The following HPSE2 variants were observed in gnomAD, a reference collection of about 807,000 sequenced individuals.
HPSE2 encodes the protein heparanase 2 (inactive).
A neutral mutation model predicts 60.5 loss-of-function variants in HPSE2; 38 were observed. The ratio of observed to expected loss-of-function variants is 0.63; its 90% confidence interval spans 0.48 to 0.82. HPSE2 has a LOEUF of 0.82. Among genes scored for constraint, HPSE2 ranks in the 40% least tolerant of loss-of-function variants. HPSE2 has a pLI of 0.00. For synonymous variants in HPSE2, 295 were observed against 293.2 expected, an observed-to-expected ratio of 1.01 and a Z score of -0.06; for missense variants, 713 against 740.4, an observed-to-expected ratio of 0.96 and a Z score of 0.43.
At chr10:99,050,573 C>G (rs1957968334) in intron 3 of HPSE2, among the ~76,000 whole-genome samples, 1 of 152,098 alleles carries the variant, frequency 6.6e-6, no homozygotes, top group Non-Finnish European at 1.5e-5. Flanking sequence ...CGTGGAATTA[C>G]TGCAATAAGT....
intron 9 of HPSE2, among the ~76,000 whole-genome samples, chr10:98,518,203 AGGGAGAGTGTCCACCCAT>A (rs1462568202): frequency 6.6e-6 from 1 of 152,160 alleles, no homozygotes; most frequent in Admixed American, 6.5e-5. Context: ...GGGCTTTTTC[AGGGAGAGTGTCCACCCAT>A]GGGTGAGAGG....
At chr10:98,589,305 G>A (rs944537131) in intron 9 of HPSE2, among the ~76,000 whole-genome samples, 7 of 152,248 alleles carry the variant, frequency 4.6e-5, no homozygotes, top group African/African-American at 7.2e-5. Flanking sequence ...AGCACTGACA[G>A]TTGAGTGAGC....
At chr10:99,256,689 T>C in the HPSE2 span, among the ~76,000 whole-genome samples, 3 of 152,140 alleles carry the variant, frequency 2.0e-5, no homozygotes, top group Non-Finnish European at 4.4e-5. Context: ...TCAAACAACA[T>C]GAATGTCTTT....
chr10:98,619,571 T>C (rs1412085108), intron 8 of HPSE2, among the ~76,000 whole-genome samples: 3 of 152,200 alleles, frequency 2.0e-5, no homozygotes, highest in Admixed American at 1.3e-4. Flanking sequence ...TACCGGGTTT[T>C]TAAGACCTTC....
intron 3 of HPSE2, among the ~76,000 whole-genome samples, chr10:98,992,548 C>G (rs935683944): frequency 6.6e-6 from 1 of 152,128 alleles, no homozygotes; most frequent in Admixed American, 6.5e-5. Context: ...TAATTCAATT[C>G]TACAGGTTTT....
Position 98,586,295 on chromosome 10 carries a change from A to G in HPSE2, c.1320+28609T>C, listed in dbSNP as rs577757750. ...TTTATGAGTCATTTTCTATCCTTGGAGTGCTCTTTTCCCTCTTACCACCAA... is the reference window on the plus strand; with the variant it reads ...TTTATGAGTCATTTTCTATCCTTGGGGTGCTCTTTTCCCTCTTACCACCAA... On this transcript the variant is annotated intron_variant, in intron 9 of 11. Coordinates refer to ENST00000370552, the MANE Select transcript of HPSE2 (RefSeq NM_021828.5). Among the ~76,000 whole-genome samples the G allele has an allele frequency of 2.6e-5, 4 of 152,152 alleles. No individual in the cohort carries two copies. The South Asian group carries it at 8.3e-4, about 32-fold the overall frequency.
rs984873106 is a variant in HPSE2 at position 98,934,401 on chromosome 10, T to C, written c.611-190345A>G. ...GTCTGTGTACTTCAGTGTGTTTTTGTAGTGGCTAGTAATGGTTTTTCTTAT... is the reference window on the plus strand; with the variant it reads ...GTCTGTGTACTTCAGTGTGTTTTTGCAGTGGCTAGTAATGGTTTTTCTTAT... On this transcript the variant is annotated intron_variant, in intron 3 of 11. Transcript: ENST00000370552. Among the ~76,000 whole-genome samples the C allele has an allele frequency of 9.7e-5, 14 of 144,782 alleles. 3 individuals carry two copies. The highest frequency in any genetic ancestry group is 3.9e-4 in the African/African-American group (14 of 35,948). The allele number at this position is 144,782 out of a possible 152,430, so 95.0% of individuals were successfully genotyped here.
At chr10:99,286,541 G>T in the HPSE2 span, among the ~76,000 whole-genome samples, 1 of 152,140 alleles carries the variant, frequency 6.6e-6, no homozygotes, top group Non-Finnish European at 1.5e-5. Context: ...GGGAAAGTGG[G>T]CGATGAGGGT....
At chr10:99,057,100 G>A (rs1169272393) in intron 3 of HPSE2, among the ~76,000 whole-genome samples, 2 of 152,170 alleles carry the variant, frequency 1.3e-5, no homozygotes, top group African/African-American at 4.8e-5. Context: ...TGATGAAAAT[G>A]TTCTAGATCT....
intron 3 of HPSE2, among the ~76,000 whole-genome samples, chr10:98,996,084 C>A: frequency 6.6e-6 from 1 of 151,306 alleles, no homozygotes; most frequent in South Asian, 2.1e-4. Context: ...ATCCTAAAAC[C>A]AAAAAAAGAG....
chr10:99,279,700 G>A, the HPSE2 span, among the ~76,000 whole-genome samples: 1 of 152,176 alleles, frequency 6.6e-6, no homozygotes, highest in African/African-American at 2.4e-5. Context: ...GGGCTACCCA[G>A]GGCTCTTTTT....
chr10:98,665,540 A>G (rs532109170), intron 6 of HPSE2, among the ~76,000 whole-genome samples: 10 of 152,346 alleles, frequency 6.6e-5, no homozygotes, highest in African/African-American at 2.4e-4. Context: ...CTAGAGAGAA[A>G]GGTCAGGTCA....
chr10:98,469,186 G>A (rs542107010), intron 11 of HPSE2, among the ~76,000 whole-genome samples: 2 of 152,212 alleles, frequency 1.3e-5, no homozygotes, highest in East Asian at 3.9e-4. Context: ...TAGCACACTT[G>A]GCAGACAAGA....
intron 3 of HPSE2, among the ~76,000 whole-genome samples, chr10:99,141,808 G>C (rs961060501): frequency 6.6e-6 from 1 of 152,140 alleles, no homozygotes; most frequent in African/African-American, 2.4e-5. Flanking sequence ...TTGCTTGTGA[G>C]GTGGAACTCA....
intron 6 of HPSE2, among the ~76,000 whole-genome samples, chr10:98,646,763 T>A (rs1431604678): frequency 6.6e-6 from 1 of 152,234 alleles, no homozygotes; most frequent in Non-Finnish European, 1.5e-5. Flanking sequence ...TTATTTTATT[T>A]GGTGTTGCCC....
At chr10:98,626,442 T>G (rs188151373) in intron 7 of HPSE2, among the ~76,000 whole-genome samples, 11 of 152,280 alleles carry the variant, frequency 7.2e-5, no homozygotes, top group African/African-American at 2.6e-4. Flanking sequence ...GGGTTGAGAG[T>G]AGCCAGAGCC....
At chr10:98,912,209 C>T (rs1202162318) in intron 3 of HPSE2, among the ~76,000 whole-genome samples, 1 of 152,168 alleles carries the variant, frequency 6.6e-6, no homozygotes, top group Non-Finnish European at 1.5e-5. Context: ...TTAGCAACTA[C>T]TTTGTTCTCT....
intron 9 of HPSE2, among the ~76,000 whole-genome samples, chr10:98,579,869 C>G (rs1944744637): frequency 6.6e-6 from 1 of 152,136 alleles, no homozygotes; most frequent in Non-Finnish European, 1.5e-5. Context: ...AATATACTAC[C>G]TGTTTCATCA....
intron 3 of HPSE2, among the ~76,000 whole-genome samples, chr10:98,981,649 T>C (rs903822456): frequency 6.6e-5 from 10 of 152,168 alleles, no homozygotes; most frequent in East Asian, 5.8e-4. Context: ...ATTTCAGAAA[T>C]TGATATCTCT....
Sources: gnomAD v4.1 joint callset for allele counts (sites outside exome capture counted in the v4.1 genomes callset) on GRCh38, gnomAD v4.1.1 for gene constraint, MANE v1.5 for transcripts, NCBI Gene and HGNC (gene_info 2026-07-23, HGNC 2026-07-21) for gene names.